Variants in STT3B observed in about 807,000 individuals in gnomAD.
STT3B encodes the protein dolichyl-diphosphooligosaccharide--protein glycosyltransferase subunit STT3B.
STT3B carries 29 observed loss-of-function variants against 96.8 expected under a neutral mutation model. The ratio of observed to expected loss-of-function variants is 0.30; its 90% CI spans 0.22 to 0.41. The LOEUF is 0.41. Among genes scored for constraint, STT3B ranks in the 10% least tolerant of loss-of-function variants. STT3B has a pLI of 1.00. For missense variants in STT3B, 640 were observed against 1,022.3 expected (o/e 0.63, Z 5.10); for synonymous variants, 367 against 360.0 (o/e 1.02, Z -0.22).
chr3:31,596,623 C>T (rs1698797861), intron 3 of STT3B, among the ~76,000 whole-genome samples, 175 bp from the exon 4 acceptor site: 1 of 152,198 alleles, frequency 6.6e-6, no homozygotes, highest in South Asian at 2.1e-4. Flanking sequence ...TCTCAGTGTG[C>T]TGCTCAGTGT....
chr3:31,569,718 T>A (rs971092224), intron 1 of STT3B, among the ~76,000 whole-genome samples: 1 of 152,110 alleles, frequency 6.6e-6, no homozygotes, highest in Admixed American at 6.5e-5. Context: ...GATTTCTCTT[T>A]TATTTTTATT....
intron 3 of STT3B, among the ~76,000 whole-genome samples, chr3:31,589,486 G>T (rs1232396837): frequency 6.6e-6 from 1 of 151,876 alleles, no homozygotes; most frequent in East Asian, 1.9e-4. Flanking sequence ...ATGCAAATAG[G>T]AGTGATGAGA....
rs941003415 is a variant in STT3B, at chr3:31,636,661, A to G, written c.*597A>G. On this transcript the variant is annotated 3_prime_UTR_variant, in exon 16 of 16. Coordinates refer to ENST00000295770, the MANE Select transcript of STT3B (RefSeq NM_178862.3). ...CTGAGAAGAAGCTGCTGTTTCAAAG[A>G]TGGACCTCTGAGTAGCTAATTGATT... The G allele has an allele frequency of 6.6e-6, 1 of 152,224 alleles. No homozygotes were observed. The highest frequency in any genetic ancestry group is 1.5e-5 in the Non-Finnish European group (1 of 68,034). 9.4% of individuals were successfully genotyped at this position (152,224 alleles called of 1,614,324 possible).
intron 1 of STT3B, among the ~76,000 whole-genome samples, chr3:31,545,914 A>G (rs1011745961): frequency 6.0e-5 from 9 of 151,162 alleles, no homozygotes; most frequent in Non-Finnish European, 1.2e-4. Context: ...AAGCCGAAAG[A>G]TTGGACACCC....
chr3:31,543,240 A>G (rs1162635815), intron 1 of STT3B, among the ~76,000 whole-genome samples: 1 of 152,160 alleles, frequency 6.6e-6, no homozygotes, highest in African/African-American at 2.4e-5. Flanking sequence ...AGCCATTTTG[A>G]AGATTTTAAC....
At chr3:31,567,629 C>T (rs1042203225) in intron 1 of STT3B, among the ~76,000 whole-genome samples, 5 of 152,050 alleles carry the variant, frequency 3.3e-5, no homozygotes, top group Admixed American at 2.6e-4. Context: ...ACATACGAAA[C>T]CCTTTGCCAC....
At chr3:31,576,849 C>T (rs1027652070) in intron 2 of STT3B, among the ~76,000 whole-genome samples, 7 of 151,982 alleles carry the variant, frequency 4.6e-5, no homozygotes, top group East Asian at 1.9e-4. Context: ...GAGATAGAAA[C>T]GTAGAATAAT....
intron 3 of STT3B, among the ~76,000 whole-genome samples, chr3:31,596,025 T>C (rs1282765906): frequency 6.6e-6 from 1 of 152,214 alleles, no homozygotes; most frequent in Non-Finnish European, 1.5e-5. Context: ...TTGTATCTTA[T>C]CTCCACAGTA....
At chr3:31,593,337 TC>T (rs35671731) in intron 3 of STT3B, among the ~76,000 whole-genome samples, 1 of 152,170 alleles carries the variant, frequency 6.6e-6, no homozygotes, top group Non-Finnish European at 1.5e-5. Context: ...TATCGTTACT[TC>T]CTTGTGGGTT....
At chr3:31,596,734 T>C (rs1698800901) in intron 3 of STT3B, 64 bp from the exon 4 acceptor site, 1 of 1,328,514 alleles carries the variant, frequency 7.5e-7, no homozygotes, top group Non-Finnish European at 1.1e-6. Flanking sequence ...AACATTTAAC[T>C]TTTAAAAATT....
chr3:31,541,909 T>C (rs778967012), intron 1 of STT3B, among the ~76,000 whole-genome samples: 7 of 152,166 alleles, frequency 4.6e-5, no homozygotes, highest in Non-Finnish European at 8.8e-5. Flanking sequence ...AGGTGTCTTA[T>C]TCACCTGACG....
chr3:31,637,576 AGTT>A lies in STT3B; in HGVS notation c.*1517_*1519del, dbSNP rs1396000530. 6.6e-6 allele frequency: 1 copy of A among 152,204 alleles called. No individual in the cohort carries two copies. The highest frequency in any genetic ancestry group is 1.5e-5 in the Non-Finnish European group (1 of 68,024). The allele number at this position is 152,204 out of a possible 1,614,324, so 9.4% of individuals were successfully genotyped here. ...GTTGCTTTAAAATTCAATGCAGAGA[AGTT>A]GTTGACTGTAGGGGAAATAAAGTTA... On this transcript the variant is annotated 3_prime_UTR_variant, in exon 16 of 16. Coordinates refer to ENST00000295770, the MANE Select transcript of STT3B (RefSeq NM_178862.3).
chr3:31,630,906 C>T (rs1179983581), intron 14 of STT3B, among the ~76,000 whole-genome samples: 1 of 152,046 alleles, frequency 6.6e-6, no homozygotes, highest in African/African-American at 2.4e-5. Flanking sequence ...ATGCCATTCT[C>T]CTGCCTCAGC....
At chr3:31,635,892 GTCA>G in intron 15 of STT3B, 89 bp from the exon 16 acceptor site, 1 of 841,492 alleles carries the variant, frequency 1.2e-6, no homozygotes, top group Non-Finnish European at 1.8e-6. Context: ...AGCTTACTAA[GTCA>G]TCATAGTTCA....
At chr3:31,542,892 C>A (rs532827432) in intron 1 of STT3B, among the ~76,000 whole-genome samples, 1 of 152,022 alleles carries the variant, frequency 6.6e-6, no homozygotes, top group East Asian at 1.9e-4. Flanking sequence ...CATGGTGAAA[C>A]CCTGTCTCTA....
At position 31,579,839 on chromosome 3, in the gene STT3B, C is replaced by A. The variant is rs368969973; in HGVS notation, c.454C>A (p.Leu152Ile). ...VYPGLMITAG[L>I]IHWILNTLNI... Reference sequence around the variant, plus strand: ...CCCAGGGTTGATGATAACCGCTGGCCTTATTCATTGGATTTTAAATACATT... The same window carrying A: ...CCCAGGGTTGATGATAACCGCTGGCATTATTCATTGGATTTTAAATACATT... Residue 152 changes from leucine to isoleucine, a missense_variant, in exon 3 of 16, where the codon CTT becomes ATT. This residue lies in a region of STT3B where 267 missense variants were observed against 388.3 expected (regional missense o/e 0.69). Coordinates refer to ENST00000295770, the MANE Select transcript of STT3B (RefSeq NM_178862.3). 1 of 1,613,578 alleles carries A rather than the reference C, an allele frequency of 6.2e-7. No homozygotes were observed. Among genetic ancestry groups the A allele is most frequent in the South Asian group, 1.1e-5 (1 of 91,044 alleles).
At chr3:31,634,656 G>A (rs1575451749) in intron 15 of STT3B, among the ~76,000 whole-genome samples, 1 of 152,176 alleles carries the variant, frequency 6.6e-6, no homozygotes, top group African/African-American at 2.4e-5. Flanking sequence ...TCGCAAAGCC[G>A]GCATGACTAA....
chr3:31,600,002 G>A (rs996552646), intron 4 of STT3B, among the ~76,000 whole-genome samples: 2 of 151,836 alleles, frequency 1.3e-5, no homozygotes, highest in Non-Finnish European at 1.5e-5. Context: ...GGTAAAACCC[G>A]TTTTTTTATT....
chr3:31,533,779 C>G (rs550012674), intron 1 of STT3B: 1 of 152,668 alleles, frequency 6.6e-6, no homozygotes, highest in Non-Finnish European at 1.5e-5. Context: ...TTTGCTAGTT[C>G]AGACGGAATC....
Sources: gnomAD v4.1 joint callset for allele counts (sites outside exome capture counted in the v4.1 genomes callset) on GRCh38, gnomAD v4.1.1 for gene constraint, gnomAD v4.1.1 regional missense constraint, MANE v1.5 for transcripts, NCBI Gene and HGNC (gene_info 2026-07-23, HGNC 2026-07-21) for gene names.